Variants in AOPEP observed in about 807,000 individuals in gnomAD.
AOPEP encodes the protein aminopeptidase O.
In AOPEP, 77 loss-of-function variants were observed where a neutral mutation model predicts 98.1. That is an observed-to-expected ratio of 0.78 (90% CI 0.65 to 0.95). The LOEUF is 0.95. AOPEP is among the 40% of genes least tolerant of loss of function. The pLI, the probability that AOPEP is intolerant of heterozygous loss-of-function variation, is 0.00. For synonymous variants in AOPEP, 346 were observed against 365.3 expected (o/e 0.95, Z 0.60); for missense variants, 1,024 against 1,024.7 (o/e 1.00, Z 0.01).
At chr9:94,856,642 A>T (rs1159921143) in intron 5 of AOPEP, among the ~76,000 whole-genome samples, 1 of 32,036 alleles carries the variant, frequency 3.1e-5, no homozygotes, top group Non-Finnish European at 5.8e-5. Flanking sequence ...ACTCCGTCTT[A>T]AAAAAAAAAA....
chr9:94,928,598 C>A, intron 7 of AOPEP, 67 bp downstream of exon 7: 1 of 1,099,648 alleles, frequency 9.1e-7, no homozygotes, highest in Non-Finnish European at 1.3e-6. Context: ...CACCTCCCTG[C>A]CAACTGATGA....
At position 94,856,950 on chromosome 9, in the gene AOPEP, G is replaced by A. The variant is rs1370088616; in HGVS notation, c.1364+55948G>A. 2.6e-5 allele frequency among the ~76,000 whole-genome samples: 4 copies of A among 152,318 alleles called. No homozygotes were observed. The East Asian group carries it at 5.8e-4, about 22-fold the overall frequency. On this transcript the variant is annotated intron_variant, in intron 5 of 16. Coordinates refer to ENST00000375315, the MANE Select transcript of AOPEP (RefSeq NM_001193329.3). The stretch of plus-strand genomic sequence containing the variant: ...GGATCACAGCTTGGCCACTTACCAG[G>A]TGCTTGTCCTTGGGGACGTGACCTA...
chr9:95,042,196 C>T (rs2065383662), intron 13 of AOPEP, among the ~76,000 whole-genome samples: 1 of 152,072 alleles, frequency 6.6e-6, no homozygotes, highest in African/African-American at 2.4e-5. Flanking sequence ...CCTGTAGTCC[C>T]AGCTACTCGG....
chr9:95,097,795 A>G, the AOPEP span, among the ~76,000 whole-genome samples: 5 of 152,210 alleles, frequency 3.3e-5, no homozygotes, highest in African/African-American at 4.8e-5. Flanking sequence ...ATTTGGACCC[A>G]TGGTATAAAC....
At chr9:94,818,157 G>A (rs1450995294) in intron 5 of AOPEP, among the ~76,000 whole-genome samples, 1 of 152,142 alleles carries the variant, frequency 6.6e-6, no homozygotes, top group Non-Finnish European at 1.5e-5. Context: ...TTACTCCCTG[G>A]TAAGGTGCCA....
At chr9:95,038,568 A>G (rs546939962) in intron 13 of AOPEP, among the ~76,000 whole-genome samples, 11 of 152,382 alleles carry the variant, frequency 7.2e-5, no homozygotes, top group African/African-American at 2.4e-4. Context: ...GCAGCTATAA[A>G]TAACTTCTTT....
rs780844598 is a variant in AOPEP at position 94,955,247 on chromosome 9, G to A, written c.1732G>A (p.Glu578Lys). ...TGTTATCAAGCATGGACTTAATCCG[G>A]AGAAGATCTTCATGCAGGTGCATTA... Reference protein sequence around the residue: ...ASVIKHGLNPEKIFMQVHYLK... With the variant: ...ASVIKHGLNPKKIFMQVHYLK... Residue 578 changes from glutamate (E) to lysine (K), a missense_variant, in exon 8 of 17, where the codon GAG becomes AAG. Coordinates refer to ENST00000375315, the MANE Select transcript of AOPEP (RefSeq NM_001193329.3). 3 of 1,613,462 alleles carry A rather than the reference G, an allele frequency of 1.9e-6. No homozygotes were observed. The South Asian group carries it at 3.3e-5, about 18-fold the overall frequency.
chr9:94,899,608 G>A (rs557455878), intron 5 of AOPEP, among the ~76,000 whole-genome samples: 39 of 151,886 alleles, frequency 2.6e-4, no homozygotes, highest in Middle Eastern at 3.4e-3. Context: ...AAATTAGCCA[G>A]ACGTGGCGGT....
chr9:95,051,632 A>C (rs922871651), intron 13 of AOPEP, among the ~76,000 whole-genome samples: 1 of 152,140 alleles, frequency 6.6e-6, no homozygotes, highest in African/African-American at 2.4e-5. Context: ...AGGCATTTTC[A>C]GTCATTTTAC....
chr9:94,782,572 G>C (rs1178704963), intron 3 of AOPEP, among the ~76,000 whole-genome samples: 1 of 152,200 alleles, frequency 6.6e-6, no homozygotes, highest in Non-Finnish European at 1.5e-5. Flanking sequence ...GTACTATTTA[G>C]ACTGCTCCCA....
At chr9:94,910,632 G>A (rs990965196) in intron 5 of AOPEP, among the ~76,000 whole-genome samples, 2 of 152,200 alleles carry the variant, frequency 1.3e-5, no homozygotes, top group Non-Finnish European at 2.9e-5. Context: ...CAGCTCTTTC[G>A]GAGGACAGCA....
At chr9:94,892,388 T>A (rs1008511748) in intron 5 of AOPEP, among the ~76,000 whole-genome samples, 4 of 152,226 alleles carry the variant, frequency 2.6e-5, no homozygotes, top group Non-Finnish European at 5.9e-5. Context: ...ATTTTATTGA[T>A]CTGCTGTCAG....
At chr9:94,949,628 A>G (rs2057953797) in intron 7 of AOPEP, among the ~76,000 whole-genome samples, 1 of 152,248 alleles carries the variant, frequency 6.6e-6, no homozygotes, top group South Asian at 2.1e-4. Flanking sequence ...AAGCATACAG[A>G]CAGTCACACC....
intron 14 of AOPEP, among the ~76,000 whole-genome samples, chr9:95,061,710 G>A (rs1285695112): frequency 1.1e-4 from 17 of 152,156 alleles, no homozygotes. Context: ...TTAAAATGGA[G>A]TAATTGAGAA....
At chr9:94,783,338 T>C (rs1400873161) in intron 3 of AOPEP, among the ~76,000 whole-genome samples, 8 of 152,214 alleles carry the variant, frequency 5.3e-5, no homozygotes, top group African/African-American at 1.4e-4. Flanking sequence ...GAAGCCTTGC[T>C]GGGTAGCATC....
chr9:95,093,897 C>T, the AOPEP span, among the ~76,000 whole-genome samples: 1 of 152,208 alleles, frequency 6.6e-6, no homozygotes, highest in Admixed American at 6.5e-5. Flanking sequence ...GCACATTATT[C>T]GGCCTCTCTG....
chr9:95,124,476 A>G, the AOPEP span, among the ~76,000 whole-genome samples: 15 of 152,246 alleles, frequency 9.9e-5, no homozygotes, highest in East Asian at 2.7e-3. Flanking sequence ...GTGGAGCACA[A>G]TCTTCTGCAG....
intron 5 of AOPEP, among the ~76,000 whole-genome samples, chr9:94,809,591 A>G (rs1464048987): frequency 6.6e-6 from 1 of 152,242 alleles, no homozygotes; most frequent in Admixed American, 6.5e-5. Flanking sequence ...GCTTTACAGC[A>G]GTGAGGAAGC....
rs371381359 is a variant in AOPEP, at chr9:94,933,228, C to T, written c.1661+4697C>T. 78 of 985,604 alleles carry T rather than the reference C, an allele frequency of 7.9e-5. No homozygotes were observed. The East Asian group carries it at 6.2e-3, about 79-fold the overall frequency. The allele number at this position is 985,604 out of a possible 1,614,324, so 61.1% of individuals were successfully genotyped here. A position where few individuals can be genotyped will look rare whatever the true frequency, so the allele number is the denominator to read the frequency against. ...CTTGCCTGAGATGCATGGCAGCTTC[C>T]GAAAGGCTCGCCATGCCTCCTGTCT... is the stretch of plus-strand genomic sequence containing the variant. On this transcript the variant is annotated intron_variant, in intron 7 of 16. Transcript: ENST00000375315.
Sources: allele counts gnomAD v4.1 joint callset (sites outside exome capture counted in the v4.1 genomes callset), GRCh38; gene constraint gnomAD v4.1.1; transcripts MANE v1.5; gene names NCBI Gene and HGNC (gene_info 2026-07-23, HGNC 2026-07-21).